The following ROCK1 variants were observed in gnomAD, a reference collection of about 807,000 sequenced individuals.
ROCK1 encodes the protein Rho associated coiled-coil containing protein kinase 1, also known as rho-associated protein kinase 1.
In ROCK1, 36 loss-of-function variants were observed where a neutral mutation model predicts 196.8. The ratio of observed to expected loss-of-function variants is 0.18; its 90% CI spans 0.14 to 0.24. The LOEUF (loss-of-function observed/expected upper bound fraction) is 0.24, where lower values mean the gene tolerates loss of function less well. ROCK1 is among the 10% of genes least tolerant of loss of function. The pLI, the probability that ROCK1 is intolerant of heterozygous loss-of-function variation, is 1.00. For missense variants in ROCK1, 920 were observed against 1,562.0 expected, an observed-to-expected ratio of 0.59 and a Z score of 6.93; for synonymous variants, 443 against 515.9, an observed-to-expected ratio of 0.86 and a Z score of 1.91.
intron 2 of ROCK1, among the ~76,000 whole-genome samples, chr18:21,059,700 A>T (rs1053685921): frequency 6.6e-6 from 1 of 152,204 alleles, no homozygotes; most frequent in African/African-American, 2.4e-5. Flanking sequence ...TCTACGCAAG[A>T]ACAATAAAAA....
At chr18:21,106,461 CTATT>C (rs2143609374) in intron 1 of ROCK1, among the ~76,000 whole-genome samples, 1 of 152,284 alleles carries the variant, frequency 6.6e-6, no homozygotes, top group South Asian at 2.1e-4. Flanking sequence ...CTTGTTTTTC[CTATT>C]TAATTTACAA....
At chr18:21,095,560 TAGAACTCAA>T (rs1397031025) in intron 1 of ROCK1, among the ~76,000 whole-genome samples, 1 of 152,106 alleles carries the variant, frequency 6.6e-6, no homozygotes, top group East Asian at 1.9e-4. Context: ...ACAACATAGA[TAGAACTCAA>T]GGTCATTACA....
chr18:20,992,544 T>C (rs746050549), intron 17 of ROCK1, among the ~76,000 whole-genome samples: 1 of 152,078 alleles, frequency 6.6e-6, no homozygotes, highest in African/African-American at 2.4e-5. Flanking sequence ...ACAAAGAAAA[T>C]AGGAAAACAT....
chr18:20,981,315 AC>A, intron 21 of ROCK1, among the ~76,000 whole-genome samples: 1 of 151,918 alleles, frequency 6.6e-6, no homozygotes, highest in East Asian at 1.9e-4. Flanking sequence ...AATGGCGTGA[AC>A]CCGGGAGGCA....
chr18:21,106,189 T>TTC lies in ROCK1; in HGVS notation c.93+4627_93+4628dup, dbSNP rs2036701596. ...CCAGAAGAGAAGTGGAAAGGTCATG[T>TTC]TCTTAACAGGCATCATGAAGCGATG... On this transcript the variant is annotated intron_variant, in intron 1 of 32. Coordinates refer to ENST00000399799, the MANE Select transcript of ROCK1 (RefSeq NM_005406.3). Among the ~76,000 whole-genome samples the TTC allele has an allele frequency of 2.0e-5, 3 of 152,350 alleles. No individual in the cohort carries two copies. In the East Asian group the frequency reaches 5.8e-4, roughly 29 times the overall value.
chr18:20,958,470 C>A (rs1329751886), intron 29 of ROCK1, among the ~76,000 whole-genome samples: 1 of 151,996 alleles, frequency 6.6e-6, no homozygotes, highest in Non-Finnish European at 1.5e-5. Context: ...ATACATACTA[C>A]ATAATCTATG....
chr18:21,043,531 ATATT>A (rs202205649), intron 6 of ROCK1, among the ~76,000 whole-genome samples: 3,329 of 145,824 alleles, frequency 0.023, 132 homozygotes, highest in African/African-American at 0.078. Flanking sequence ...TATAAATAAC[ATATT>A]TATTTATGTT....
At chr18:21,106,298 C>T (rs1012573710) in intron 1 of ROCK1, among the ~76,000 whole-genome samples, 4 of 152,134 alleles carry the variant, frequency 2.6e-5, no homozygotes, top group African/African-American at 9.7e-5. Flanking sequence ...CCCTCCCAAC[C>T]ATTTTTGTTT....
At chr18:21,040,201 T>C (rs2036093336) in intron 8 of ROCK1, among the ~76,000 whole-genome samples, 1 of 152,256 alleles carries the variant, frequency 6.6e-6, no homozygotes, top group Admixed American at 6.5e-5. Flanking sequence ...TTTGTGTGTG[T>C]GTGTTATTTT....
At chr18:21,005,596 G>T (rs2035761521) in intron 16 of ROCK1, among the ~76,000 whole-genome samples, 1 of 152,184 alleles carries the variant, frequency 6.6e-6, no homozygotes, top group Admixed American at 6.5e-5. Context: ...AAGAATGCTG[G>T]CCTGGTGTGG....
chr18:20,961,309 T>TATAA (rs2035323841), intron 27 of ROCK1, among the ~76,000 whole-genome samples: 1 of 152,210 alleles, frequency 6.6e-6, no homozygotes, highest in South Asian at 2.1e-4. Context: ...ATTTAAAAGC[T>TATAA]ATAAACTCAG....
At chr18:21,005,034 G>A (rs1317046951) in intron 16 of ROCK1, among the ~76,000 whole-genome samples, 1 of 152,118 alleles carries the variant, frequency 6.6e-6, no homozygotes, top group Admixed American at 6.5e-5. Context: ...TCTAACTAAG[G>A]TTAAAAAGAA....
intron 16 of ROCK1, among the ~76,000 whole-genome samples, chr18:20,997,123 T>G (rs1354445774): frequency 6.6e-6 from 1 of 151,932 alleles, no homozygotes; most frequent in African/African-American, 2.4e-5. Context: ...TGAATGCAGA[T>G]GAACTAAACT....
At chr18:21,041,312 A>G (rs17202375) in intron 8 of ROCK1, among the ~76,000 whole-genome samples, 9,367 of 150,994 alleles carry the variant, frequency 0.062, 417 homozygotes, top group Non-Finnish European at 0.087. Context: ...TTGAAAAACC[A>G]TACTTCAAGC....
chr18:21,026,645 G>T (rs2035959732), intron 10 of ROCK1, among the ~76,000 whole-genome samples: 1 of 152,030 alleles, frequency 6.6e-6, no homozygotes, highest in African/African-American at 2.4e-5. Context: ...TACTGAAGAA[G>T]TTTCAAAAAG....
rs773789328 is a variant in ROCK1, at chr18:21,100,854, C to T, written c.93+9964G>A. ...AGACCTCTTCCATAGAGCTACCCTC[C>T]TCAGCTGCTTTCCTCTTCCCTGTTT... On this transcript the variant is annotated intron_variant, in intron 1 of 32. Transcript: ENST00000399799. 9.7e-4 allele frequency among the ~76,000 whole-genome samples: 147 copies of T among 152,310 alleles called. 1 individual carries two copies. The highest frequency in any genetic ancestry group is 1.6e-3 in the Non-Finnish European group (107 of 68,034).
At chr18:20,966,252 T>TACATAAAGTTACAGTACA (rs2035373338) in intron 27 of ROCK1, among the ~76,000 whole-genome samples, 1 of 152,158 alleles carries the variant, frequency 6.6e-6, no homozygotes, top group African/African-American at 2.4e-5. Context: ...TACATAAAGG[T>TACATAAAGTTACAGTACA]ATTATAGTTT....
At chr18:20,993,029 T>C in intron 16 of ROCK1, 92 bp from the exon 17 acceptor site, 1 of 700,350 alleles carries the variant, frequency 1.4e-6, no homozygotes, top group Non-Finnish European at 2.4e-6. Context: ...AATGTTTTTT[T>C]AATGTATTAA....
At chr18:21,009,628 C>A (rs1183931611) in intron 13 of ROCK1, among the ~76,000 whole-genome samples, 1 of 152,128 alleles carries the variant, frequency 6.6e-6, no homozygotes, top group Non-Finnish European at 1.5e-5. Context: ...GGAACACAGC[C>A]AATTGGTTTT....
Sources: gnomAD v4.1 joint callset for allele counts (sites outside exome capture counted in the v4.1 genomes callset) on GRCh38, gnomAD v4.1.1 for gene constraint, MANE v1.5 for transcripts, NCBI Gene and HGNC (gene_info 2026-07-23, HGNC 2026-07-21) for gene names.